Variants in SLC38A1 observed in about 807,000 individuals in gnomAD.
SLC38A1 encodes the protein sodium-coupled neutral amino acid symporter 1.
Under a neutral mutation model 60.3 loss-of-function variants are expected in SLC38A1, and 18 were observed. That is an observed-to-expected ratio of 0.30 (90% CI 0.21 to 0.44). The LOEUF (loss-of-function observed/expected upper bound fraction) is 0.44. Ranked by LOEUF, SLC38A1 falls within the 20% of genes least tolerant of loss-of-function variation. SLC38A1 has a pLI of 1.00. For missense variants in SLC38A1, 448 were observed against 587.2 expected (o/e 0.76, Z 2.45); for synonymous variants, 196 against 212.1 (o/e 0.92, Z 0.66).
chr12:46,229,164 G>A lies in SLC38A1; in HGVS notation c.303C>T (p.Ile101=), dbSNP rs920072696. Residue 101 remains isoleucine (I), a synonymous_variant, in exon 5 of 17, where the codon ATC becomes ATT. Transcript: ENST00000398637. The part of the protein sequence containing the change: ...GLAFALANTG[I]LLFLVLLTSV... The stretch of plus-strand genomic sequence containing the variant: ...ACGTCAATACTCACAGAAAAAGTAG[G>A]ATTCCAGTGTTTGCCAGGGCAAAGG... The A allele has an allele frequency of 2.5e-6, 4 of 1,609,100 alleles. No homozygotes were observed. Among genetic ancestry groups the A allele is most frequent in the Admixed American group, 1.7e-5 (1 of 59,804 alleles).
chr12:46,204,541 G>GA lies in SLC38A1; in HGVS notation c.695dup (p.Leu233ProfsTer25). The GA allele has an allele frequency of 6.2e-7, 1 of 1,611,198 alleles. No individual in the cohort carries two copies. The highest frequency in any genetic ancestry group is 8.5e-7 in the Non-Finnish European group (1 of 1,179,070). On this transcript the variant is annotated frameshift_variant, in exon 10 of 17. Coordinates refer to ENST00000398637, the MANE Select transcript of SLC38A1 (RefSeq NM_030674.4). LOFTEE classifies it high-confidence loss of function. ...TGCAATCAGCACTTACCACAATTAG[G>GA]AAAAAAACCATACAGCTCAAGGAAA...
At chr12:46,247,310 C>T (rs1347890045) in intron 1 of SLC38A1, among the ~76,000 whole-genome samples, 1 of 152,126 alleles carries the variant, frequency 6.6e-6, no homozygotes, top group Non-Finnish European at 1.5e-5. Flanking sequence ...GAATGGCTAA[C>T]TAAAATAAAC....
Position 46,185,373 on chromosome 12 carries a change from A to G in SLC38A1, c.*3597T>C, listed in dbSNP as rs1360192056. ...CCGAAGCACTGAGGAATCTTACCAC[A>G]ACCCTGTGTCCACCACAAGCCCTAT... On this transcript the variant is annotated 3_prime_UTR_variant, in exon 17 of 17. Transcript: ENST00000398637. The G allele has an allele frequency of 6.6e-6, 1 of 152,096 alleles. No individual in the cohort carries two copies. Among genetic ancestry groups the G allele is most frequent in the Non-Finnish European group, 1.5e-5 (1 of 68,034 alleles). 9.4% of individuals were successfully genotyped at this position (152,096 alleles called of 1,614,324 possible).
intron 5 of SLC38A1, among the ~76,000 whole-genome samples, chr12:46,226,215 A>C (rs1940857384): frequency 6.6e-6 from 1 of 152,174 alleles, no homozygotes; most frequent in African/African-American, 2.4e-5. Flanking sequence ...TGGGGGACTG[A>C]CTAAAACAAC....
intron 16 of SLC38A1, chr12:46,196,162 A>G (rs1033053411): frequency 4.6e-6 from 7 of 1,536,076 alleles, no homozygotes; most frequent in East Asian, 4.9e-5. Context: ...TCCAGAGAAC[A>G]CAAGATTATA....
intron 1 of SLC38A1, chr12:46,267,489 C>G (rs1236595849): frequency 3.3e-5 from 5 of 152,348 alleles, no homozygotes; most frequent in African/African-American, 9.6e-5. Context: ...GCACTTGTGC[C>G]TTCTCTAACT....
At chr12:46,192,804 C>G (rs1201005222) in intron 16 of SLC38A1, among the ~76,000 whole-genome samples, 2 of 152,020 alleles carry the variant, frequency 1.3e-5, no homozygotes, top group Non-Finnish European at 2.9e-5. Context: ...TTTATTGCAT[C>G]TATTTGATTC....
In SLC38A1 at chr12:46,198,887, A is replaced by G. The variant is rs1488183835; in HGVS notation, c.1004-144T>C. 8.2e-6 allele frequency: 5 copies of G among 610,584 alleles called. No individual in the cohort carries two copies. In the East Asian group the frequency reaches 1.1e-4, roughly 14 times the overall value. 37.8% of individuals were successfully genotyped at this position (610,584 alleles called of 1,614,324 possible). A position where few individuals can be genotyped will look rare whatever the true frequency, so the allele number is the denominator to read the frequency against. Reference sequence around the variant, plus strand: ...ATGTCTATTAAAACAATCAGGTTGGAAAGAAAAATCTCTATGTAAGACATG... The same window carrying G: ...ATGTCTATTAAAACAATCAGGTTGGGAAGAAAAATCTCTATGTAAGACATG... On this transcript the variant is annotated intron_variant, in intron 13 of 16. Coordinates refer to ENST00000398637, the MANE Select transcript of SLC38A1 (RefSeq NM_030674.4).
intron 11 of SLC38A1, among the ~76,000 whole-genome samples, chr12:46,203,303 C>T (rs12827581): frequency 0.035 from 5,398 of 152,150 alleles, 134 homozygotes; most frequent in Non-Finnish European, 0.052. Context: ...AGAGGGACTT[C>T]GGATTTGGCT....
Position 46,221,282 on chromosome 12 carries a change from G to A in SLC38A1, c.314+7871C>T, listed in dbSNP as rs532709643. On this transcript the variant is annotated intron_variant, in intron 5 of 16. Coordinates refer to ENST00000398637, the MANE Select transcript of SLC38A1 (RefSeq NM_030674.4). Reference sequence around the variant, plus strand: ...ATCCACCAAAGTGAAGATAATTGCTGTAACTGACAATGACAATTACTGTCC... The same window carrying A: ...ATCCACCAAAGTGAAGATAATTGCTATAACTGACAATGACAATTACTGTCC... Among the ~76,000 whole-genome samples the A allele has an allele frequency of 3.9e-5, 6 of 152,214 alleles. No homozygotes were observed. In the South Asian group the frequency reaches 1.2e-3, roughly 32 times the overall value.
chr12:46,256,636 C>CAGAGAGAGAGAGAGAGAGAG (rs1555192390), intron 1 of SLC38A1, among the ~76,000 whole-genome samples: 24 of 123,204 alleles, frequency 1.9e-4, no homozygotes, highest in East Asian at 1.0e-3. Context: ...CACACACACA[C>CAGAGAGAGAGAGAGAGAGAG]AGAGAGAGAG....
At chr12:46,255,828 T>G (rs1942001206) in intron 1 of SLC38A1, among the ~76,000 whole-genome samples, 1 of 152,122 alleles carries the variant, frequency 6.6e-6, no homozygotes, top group Non-Finnish European at 1.5e-5. Flanking sequence ...ATCTAGAATC[T>G]AATGCTCCAA....
chr12:46,191,909 G>C (rs1233508793), intron 16 of SLC38A1, among the ~76,000 whole-genome samples: 1 of 152,096 alleles, frequency 6.6e-6, no homozygotes, highest in Non-Finnish European at 1.5e-5. Context: ...TCTCCTAATT[G>C]AATACCATTT....
intron 1 of SLC38A1, among the ~76,000 whole-genome samples, chr12:46,253,147 G>A (rs1362256061): frequency 6.6e-6 from 1 of 152,136 alleles, no homozygotes; most frequent in East Asian, 1.9e-4. Flanking sequence ...TGTACAACAT[G>A]AGGACTGTAG....
chr12:46,221,437 G>A lies in SLC38A1; in HGVS notation c.314+7716C>T, dbSNP rs550030959. Among the ~76,000 whole-genome samples, 17 of 152,254 alleles carry A rather than the reference G, an allele frequency of 1.1e-4. 1 individual carries two copies. The highest frequency in any genetic ancestry group is 4.1e-4 in the African/African-American group (17 of 41,542). ...GCATTCCTAGGAAAGTAGACAATGAGCAGCCAGTCCCATGCTGACTCTGTG... is the reference window on the plus strand; with the variant it reads ...GCATTCCTAGGAAAGTAGACAATGAACAGCCAGTCCCATGCTGACTCTGTG... On this transcript the variant is annotated intron_variant, in intron 5 of 16. Transcript: ENST00000398637.
intron 5 of SLC38A1, among the ~76,000 whole-genome samples, chr12:46,212,571 G>A (rs368137952): frequency 2.6e-5 from 4 of 152,124 alleles, no homozygotes; most frequent in South Asian, 2.1e-4. Flanking sequence ...TTAGAATTGC[G>A]AATAATGTGG....
chr12:46,252,346 G>A (rs999642949), intron 1 of SLC38A1, among the ~76,000 whole-genome samples: 1 of 152,072 alleles, frequency 6.6e-6, no homozygotes, highest in Non-Finnish European at 1.5e-5. Flanking sequence ...ACAGGGTGGG[G>A]GCCTGGGGGA....
intron 3 of SLC38A1, among the ~76,000 whole-genome samples, chr12:46,235,775 A>T (rs968576737): frequency 6.6e-6 from 1 of 152,232 alleles, no homozygotes; most frequent in Admixed American, 6.5e-5. Context: ...GTTGCCTCGA[A>T]TTCTTTTAAA....
intron 5 of SLC38A1, among the ~76,000 whole-genome samples, 187 bp from the exon 6 acceptor site, chr12:46,209,314 G>T (rs1940044972): frequency 6.6e-6 from 1 of 152,192 alleles, no homozygotes; most frequent in Non-Finnish European, 1.5e-5. Context: ...ATAAAGAAGT[G>T]CTCATTAGAA....
Sources: gnomAD v4.1 joint callset for allele counts (sites outside exome capture counted in the v4.1 genomes callset) on GRCh38, gnomAD v4.1.1 for gene constraint, MANE v1.5 for transcripts, NCBI Gene and HGNC (gene_info 2026-07-23, HGNC 2026-07-21) for gene names.